The following CFAP43 variants were observed in gnomAD, a reference collection of about 807,000 sequenced individuals.
The protein encoded by CFAP43 is cilia and flagella associated protein 43, also known as cilia- and flagella-associated protein 43.
CFAP43 carries 155 observed loss-of-function variants against 218.9 expected under a neutral mutation model. The ratio of observed to expected loss-of-function variants is 0.71; its 90% CI spans 0.62 to 0.81. CFAP43 has a LOEUF of 0.81. Among genes scored for constraint, CFAP43 ranks in the 30% least tolerant of loss-of-function variants. The probability of loss-of-function intolerance (pLI) is 0.00; values close to 1 mark genes in which losing one functional copy is unlikely to be tolerated. For synonymous variants in CFAP43, 645 were observed against 681.3 expected (o/e 0.95, Z 0.83); for missense variants, 1,778 against 1,954.3 (o/e 0.91, Z 1.70).
intron 21 of CFAP43, among the ~76,000 whole-genome samples, chr10:104,168,223 G>A (rs532882608): frequency 1.6e-4 from 24 of 152,246 alleles, no homozygotes; most frequent in South Asian, 1.0e-3. Flanking sequence ...TAGGGTGGCC[G>A]TATACTTCAT....
At chr10:104,219,471 G>T (rs186808389) in intron 3 of CFAP43, among the ~76,000 whole-genome samples, 1 of 152,300 alleles carries the variant, frequency 6.6e-6, no homozygotes, top group East Asian at 1.9e-4. Context: ...TTGGCTGAAA[G>T]GAATCTTCTT....
intron 4 of CFAP43, among the ~76,000 whole-genome samples, chr10:104,212,495 C>T (rs1345181395): frequency 6.6e-6 from 1 of 152,126 alleles, no homozygotes; most frequent in Non-Finnish European, 1.5e-5. Flanking sequence ...CTCAAGGTGG[C>T]AGGGACCACT....
intron 3 of CFAP43, 99 bp downstream of exon 3, chr10:104,225,362 G>T: frequency 1.0e-6 from 1 of 956,208 alleles, no homozygotes; most frequent in Non-Finnish European, 1.5e-6. Flanking sequence ...ATATTTCCTT[G>T]TTTCAGATTT....
intron 11 of CFAP43, chr10:104,193,115 T>C (rs1291818006): frequency 6.6e-6 from 1 of 152,218 alleles, no homozygotes; most frequent in Non-Finnish European, 1.5e-5. Context: ...GAAACAGTAA[T>C]AATGATAGCA....
chr10:104,163,029 T>G (rs914843165), intron 24 of CFAP43, among the ~76,000 whole-genome samples: 22 of 152,182 alleles, frequency 1.4e-4, no homozygotes, highest in Non-Finnish European at 2.8e-4. Flanking sequence ...GTGAGGTCCT[T>G]GCTGTCACCT....
In CFAP43 at chr10:104,164,111, C is replaced by A; in HGVS notation, c.3229G>T (p.Val1077Phe). The change falls in exon 24 of 38, where the codon GTT becomes TTT. Residue 1077 changes from valine (V) to phenylalanine (F), a missense_variant. Around this residue, in one of 3 missense-constraint regions of CFAP43, gnomAD observed 1,553 missense variants for 1,685.2 expected, o/e 0.92. Transcript: ENST00000357060. ...EDCEKPERTL[V>F]VQDEEITAHK... ...GCCAGTACCTCCTCATCTTGCACAACAAGCGTTCTCTCTGGCTTCTCACAG... is the reference window on the plus strand; with the variant it reads ...GCCAGTACCTCCTCATCTTGCACAAAAAGCGTTCTCTCTGGCTTCTCACAG... 1 of 1,614,188 alleles carries A rather than the reference C, an allele frequency of 6.2e-7. No homozygotes were observed. Among genetic ancestry groups the A allele is most frequent in the Middle Eastern group, 1.6e-4 (1 of 6,062 alleles).
chr10:104,162,055 A>G lies in CFAP43; in HGVS notation c.3334-14T>C, dbSNP rs1189015326. 1 of 1,610,250 alleles carries G rather than the reference A, an allele frequency of 6.2e-7. No homozygotes were observed. The highest frequency in any genetic ancestry group is 1.1e-5 in the South Asian group (1 of 90,336). ...TGTACTGGCATCCTGGGAAAGAGCC[A>G]GAATCAGAGAGGAATACTGAGACAG... On this transcript the variant is annotated splice_polypyrimidine_tract_variant and intron_variant, in intron 25 of 37. Transcript: ENST00000357060.
intron 17 of CFAP43, among the ~76,000 whole-genome samples, chr10:104,180,441 ATTTCT>A (rs1394764363): frequency 8.2e-6 from 1 of 122,466 alleles, no homozygotes; most frequent in Non-Finnish European, 1.7e-5. Flanking sequence ...ACACCACCCT[ATTTCT>A]TTTTTTTTTT....
chr10:104,177,582 C>T (rs1301967748), intron 19 of CFAP43, among the ~76,000 whole-genome samples: 9 of 152,126 alleles, frequency 5.9e-5, no homozygotes, highest in African/African-American at 2.2e-4. Flanking sequence ...CAAGAGAGTG[C>T]ATTGCTACTG....
intron 8 of CFAP43, among the ~76,000 whole-genome samples, chr10:104,198,939 C>T (rs190258964): frequency 1.6e-4 from 24 of 152,304 alleles, no homozygotes; most frequent in African/African-American, 5.3e-4. Flanking sequence ...GCATGAGCCA[C>T]CACGCCTGGT....
rs2134949305 is a variant in CFAP43 at position 104,203,592 on chromosome 10, C to G, written c.1095+80G>C. 5 of 1,402,658 alleles carry G rather than the reference C, an allele frequency of 3.6e-6. No individual in the cohort carries two copies. In the South Asian group the frequency reaches 6.1e-5, roughly 17 times the overall value. The allele number at this position is 1,402,658 out of a possible 1,614,324, so 86.9% of individuals were successfully genotyped here. Reference sequence around the variant, plus strand: ...GTAGAGTACCACTGTGCAGCATACTCTGCTCCTCATTCCTGTCATGTAATG... The same window carrying G: ...GTAGAGTACCACTGTGCAGCATACTGTGCTCCTCATTCCTGTCATGTAATG... On this transcript the variant is annotated intron_variant, in intron 8 of 37. Coordinates refer to ENST00000357060, the MANE Select transcript of CFAP43 (RefSeq NM_025145.7).
At chr10:104,173,043 A>C (rs1314264576) in intron 19 of CFAP43, among the ~76,000 whole-genome samples, 3 of 152,212 alleles carry the variant, frequency 2.0e-5, no homozygotes, top group Non-Finnish European at 2.9e-5. Flanking sequence ...TTAAAAGTTC[A>C]TAACTTAAAA....
intron 3 of CFAP43, among the ~76,000 whole-genome samples, chr10:104,222,258 T>C (rs1266297697): frequency 2.6e-5 from 4 of 152,142 alleles, no homozygotes; most frequent in East Asian, 3.9e-4. Context: ...AGTTGCATCC[T>C]CCTCCCTGTT....
chr10:104,131,593 A>T, intron 36 of CFAP43, 109 bp from the exon 37 acceptor site: 3 of 1,225,390 alleles, frequency 2.4e-6, no homozygotes, highest in Non-Finnish European at 3.3e-6. Context: ...CATTAAGATA[A>T]CATCTTACCG....
At chr10:104,146,558 A>T (rs750659070) in intron 29 of CFAP43, among the ~76,000 whole-genome samples, 1 of 152,196 alleles carries the variant, frequency 6.6e-6, no homozygotes. Flanking sequence ...AAGTACAGCC[A>T]ACTCTGTGTA....
intron 3 of CFAP43, among the ~76,000 whole-genome samples, chr10:104,221,216 C>A (rs78634982): frequency 2.6e-5 from 4 of 152,162 alleles, no homozygotes; most frequent in African/African-American, 9.7e-5. Flanking sequence ...CTCAGGTGAT[C>A]CGCCCACCTT....
intron 13 of CFAP43, among the ~76,000 whole-genome samples, chr10:104,187,807 G>A (rs942385387): frequency 3.3e-5 from 5 of 152,068 alleles, no homozygotes; most frequent in Admixed American, 1.3e-4. Context: ...GGAGGTTGTC[G>A]GCTCTCTTCT....
chr10:104,220,291 C>A (rs897457773), intron 3 of CFAP43, among the ~76,000 whole-genome samples: 1 of 152,156 alleles, frequency 6.6e-6, no homozygotes, highest in Admixed American at 6.5e-5. Context: ...GTCTCCAGAA[C>A]TGGGAGGCAA....
chr10:104,166,755 T>C (rs375616100), intron 22 of CFAP43, 37 bp from the exon 23 acceptor site: 73 of 1,530,680 alleles, frequency 4.8e-5, no homozygotes, highest in African/African-American at 3.1e-4. Context: ...AGTTATGCAA[T>C]AATAAGAATC....
Sources: gnomAD v4.1 joint callset for allele counts (sites outside exome capture counted in the v4.1 genomes callset) on GRCh38, gnomAD v4.1.1 for gene constraint, gnomAD v4.1.1 regional missense constraint, MANE v1.5 for transcripts, NCBI Gene and HGNC (gene_info 2026-07-23, HGNC 2026-07-21) for gene names.